Variants in PBX1 observed in about 807,000 individuals in gnomAD.
The protein encoded by PBX1 is PBX homeobox 1.
In PBX1, 6 loss-of-function variants were observed where a neutral mutation model predicts 53.4. That is an observed-to-expected ratio of 0.11 (90% CI 0.06 to 0.22). The LOEUF is 0.22. PBX1 is among the 10% of genes least tolerant of loss of function. The pLI is 1.00. For synonymous variants in PBX1, 204 were observed against 212.3 expected (o/e 0.96, Z 0.34); for missense variants, 251 against 551.4 (o/e 0.46, Z 5.46).
At chr1:164,775,878 T>A (rs1667617032) in intron 2 of PBX1, among the ~76,000 whole-genome samples, 1 of 152,160 alleles carries the variant, frequency 6.6e-6, no homozygotes, top group African/African-American at 2.4e-5. Context: ...TCTGTTTGTA[T>A]ATTTGAATAT....
chr1:164,600,356 A>G (rs1656081122), intron 2 of PBX1, among the ~76,000 whole-genome samples: 1 of 145,104 alleles, frequency 6.9e-6, no homozygotes, highest in Admixed American at 7.3e-5. Flanking sequence ...GGTTCAAGTG[A>G]TTTTCCTGCC....
intron 2 of PBX1, among the ~76,000 whole-genome samples, chr1:164,673,920 C>T (rs1661273368): frequency 6.6e-6 from 1 of 152,222 alleles, no homozygotes; most frequent in African/African-American, 2.4e-5. Flanking sequence ...CTACTTTATT[C>T]GTTACTCCCT....
chr1:164,609,991 C>A (rs1431603778), intron 2 of PBX1, among the ~76,000 whole-genome samples: 2 of 152,146 alleles, frequency 1.3e-5, no homozygotes, highest in Non-Finnish European at 2.9e-5. Flanking sequence ...AGTCACAGAA[C>A]CCCCAAGACC....
intron 2 of PBX1, among the ~76,000 whole-genome samples, chr1:164,877,990 ACT>A (rs1364655619): frequency 6.6e-6 from 1 of 152,082 alleles, no homozygotes; most frequent in African/African-American, 2.4e-5. Context: ...TGCACTATAT[ACT>A]CTTTCTTGTC....
At chr1:164,665,982 C>A (rs928579865) in intron 2 of PBX1, among the ~76,000 whole-genome samples, 4 of 152,130 alleles carry the variant, frequency 2.6e-5, no homozygotes, top group Non-Finnish European at 5.9e-5. Flanking sequence ...AGGGAATTAT[C>A]AAAATTGTCG....
At chr1:164,816,497 A>C (rs925284364) in intron 6 of PBX1, 2 of 152,212 alleles carry the variant, frequency 1.3e-5, no homozygotes, top group African/African-American at 4.8e-5. Flanking sequence ...ACATTTAAAC[A>C]CTGAATTCCT....
intron 2 of PBX1, among the ~76,000 whole-genome samples, chr1:164,871,742 A>T (rs1403093302): frequency 2.6e-5 from 4 of 152,262 alleles, no homozygotes; most frequent in Non-Finnish European, 4.4e-5. Flanking sequence ...GTGGCCAAAG[A>T]ACCTTCCACT....
In PBX1 at chr1:164,792,669, T is replaced by C; in HGVS notation, c.441T>C (p.His147=). 1.2e-6 allele frequency: 2 copies of C among 1,613,986 alleles called. No individual in the cohort carries two copies. Among genetic ancestry groups the C allele is most frequent in the Middle Eastern group, 1.7e-4 (1 of 6,060 alleles). ...GGAGSDNSVE[H]SDYRAKLSQI... is the part of the protein sequence containing the mutation. Reference sequence around the variant, plus strand: ...CAGGTTCAGACAACTCAGTGGAGCATTCAGATTACAGAGCCAAACTCTCAC... The same window carrying C: ...CAGGTTCAGACAACTCAGTGGAGCACTCAGATTACAGAGCCAAACTCTCAC... The change falls in exon 3 of 9, where the codon CAT becomes CAC. Residue 147 remains histidine (H), a synonymous_variant. Transcript: ENST00000420696.
intron 2 of PBX1, among the ~76,000 whole-genome samples, chr1:164,860,917 A>G (rs890108046): frequency 2.0e-5 from 3 of 152,084 alleles, no homozygotes; most frequent in African/African-American, 7.2e-5. Context: ...AGTGAAGGAG[A>G]GCGCAGATGG....
At chr1:164,845,275 G>A (rs1029860230) in intron 8 of PBX1, among the ~76,000 whole-genome samples, 1 of 152,104 alleles carries the variant, frequency 6.6e-6, no homozygotes. Flanking sequence ...GTCGTGAACC[G>A]GGACACCTGC....
At chr1:164,842,769 T>C (rs959677960) in intron 8 of PBX1, among the ~76,000 whole-genome samples, 3 of 152,192 alleles carry the variant, frequency 2.0e-5, no homozygotes, top group African/African-American at 7.2e-5. Context: ...CCTCCCACCC[T>C]GTGACCCCTC....
chr1:164,882,051 C>A (rs1309494307), intron 2 of PBX1, among the ~76,000 whole-genome samples: 1 of 152,064 alleles, frequency 6.6e-6, no homozygotes, highest in African/African-American at 2.4e-5. Context: ...TACTCTTTTT[C>A]TGCCTAAAAT....
At chr1:164,873,666 G>A (rs1672432944) in intron 2 of PBX1, among the ~76,000 whole-genome samples, 1 of 152,186 alleles carries the variant, frequency 6.6e-6, no homozygotes, top group African/African-American at 2.4e-5. Context: ...CAGCATCAAA[G>A]GAAAGCCAGA....
chr1:164,791,362 G>A (rs1668497856), intron 2 of PBX1, among the ~76,000 whole-genome samples: 1 of 152,172 alleles, frequency 6.6e-6, no homozygotes, highest in Non-Finnish European at 1.5e-5. Context: ...CATCCTACCA[G>A]AGCACTGGCT....
At chr1:164,672,073 A>T (rs1661150733) in intron 2 of PBX1, among the ~76,000 whole-genome samples, 1 of 147,722 alleles carries the variant, frequency 6.8e-6, no homozygotes. Context: ...CCCTGTTGAC[A>T]CACCACATAT....
chr1:164,788,761 C>G lies in PBX1; in HGVS notation c.266-3733C>G, dbSNP rs554094252. Among the ~76,000 whole-genome samples, 18 of 142,656 alleles carry G rather than the reference C, an allele frequency of 1.3e-4. No individual in the cohort carries two copies. In the South Asian group the frequency reaches 3.2e-3, roughly 26 times the overall value. 93.6% of individuals were successfully genotyped at this position (142,656 alleles called of 152,430 possible). On this transcript the variant is annotated intron_variant, in intron 2 of 8. Transcript: ENST00000420696. ...TTTCTACCCGCCGCCCTCCCCCCCC[C>G]GCCCTTTTCTTTTCATTCTTTTGTT...
At chr1:164,875,293 T>G (rs1316027739) in intron 2 of PBX1, among the ~76,000 whole-genome samples, 1 of 152,038 alleles carries the variant, frequency 6.6e-6, no homozygotes, top group Non-Finnish European at 1.5e-5. Flanking sequence ...AAAATTACAT[T>G]ATTTTATTTA....
intron 6 of PBX1, chr1:164,817,736 C>T (rs1319502803): frequency 1.3e-5 from 2 of 152,240 alleles, no homozygotes; most frequent in Non-Finnish European, 2.9e-5. Context: ...ACATTCCATG[C>T]CTTCATGGTT....
intron 2 of PBX1, among the ~76,000 whole-genome samples, chr1:164,610,996 T>C (rs990688942): frequency 2.0e-5 from 3 of 152,246 alleles, no homozygotes. Flanking sequence ...AAAATGTTTT[T>C]ACTCTTTGTG....
Sources: gnomAD v4.1 joint callset for allele counts (sites outside exome capture counted in the v4.1 genomes callset) on GRCh38, gnomAD v4.1.1 for gene constraint, MANE v1.5 for transcripts, NCBI Gene and HGNC (gene_info 2026-07-23, HGNC 2026-07-21) for gene names.